The following BICDL2 variants were observed in gnomAD, a reference collection of about 807,000 sequenced individuals.
The protein encoded by BICDL2 is BICD family-like cargo adapter 2.
BICDL2 carries 62 observed loss-of-function variants against 56.6 expected under a neutral mutation model. The observed-to-expected ratio is 1.10, with a 90% CI of 0.89 to 1.35. BICDL2 has a LOEUF of 1.35. Among genes scored for constraint, BICDL2 ranks in the 40% most tolerant of loss-of-function variants. The probability of loss-of-function intolerance (pLI) is 0.00; values close to 1 mark genes in which losing one functional copy is unlikely to be tolerated. For missense variants in BICDL2, 808 were observed against 684.5 expected, an observed-to-expected ratio of 1.18 and a Z score of -2.01; for synonymous variants, 358 against 319.8, an observed-to-expected ratio of 1.12 and a Z score of -1.27.
chr16:3,028,956 G>C lies in BICDL2; in HGVS notation c.1108-126C>G, dbSNP rs1596481001. On this transcript the variant is annotated intron_variant, in intron 7 of 9. Coordinates refer to ENST00000572449, the MANE Select transcript of BICDL2 (RefSeq NM_001369667.1). Reference sequence around the variant, plus strand: ...GCGACAGACACCCCAGGCAGCCGTGGCCCTGTGCTGGAGACTCCGATATGA... The same window carrying C: ...GCGACAGACACCCCAGGCAGCCGTGCCCCTGTGCTGGAGACTCCGATATGA... 27 of 1,301,080 alleles carry C rather than the reference G, an allele frequency of 2.1e-5. No individual in the cohort carries two copies. The East Asian group carries it at 6.8e-4, about 33-fold the overall frequency. 80.6% of individuals were successfully genotyped at this position (1,301,080 alleles called of 1,614,324 possible).
Position 3,028,033 on chromosome 16 carries a change from C to T in BICDL2, c.*73G>A. ...AGCTTCTTTTGGAAGACAATCTGGG[C>T]CCTGTCGCTCCATTGGCCTGAAGAG... On this transcript the variant is annotated 3_prime_UTR_variant, in exon 10 of 10. Coordinates refer to ENST00000572449, the MANE Select transcript of BICDL2 (RefSeq NM_001369667.1). 7.2e-7 allele frequency: 1 copy of T among 1,386,488 alleles called. No homozygotes were observed. Among genetic ancestry groups the T allele is most frequent in the Non-Finnish European group, 9.3e-7 (1 of 1,072,266 alleles). 85.9% of individuals were successfully genotyped at this position (1,386,488 alleles called of 1,614,324 possible).
chr16:3,030,988 C>A lies in BICDL2; in HGVS notation c.445G>T (p.Ala149Ser), dbSNP rs201207482. ...TTCTGCTCGCTGAGCTCGCTGAGGG[C>A]CCGTGCCCGTTCTCGCCCACTGTCC... is the stretch of plus-strand genomic sequence containing the variant. Reference protein sequence around the residue: ...QQDSGRERARALSELSEQNLR... With the variant: ...QQDSGRERARSLSELSEQNLR... The change falls in exon 3 of 10, where the codon GCC (alanine) becomes TCC (serine). Residue 149 changes from alanine to serine, a missense_variant. Ala to Ser is a moderately conservative substitution (Grantham distance 99). Transcript: ENST00000572449. 1.7e-4 allele frequency: 266 copies of A among 1,553,602 alleles called. No individual in the cohort carries two copies. In the African/African-American group the frequency reaches 2.3e-3, roughly 13 times the overall value.
chr16:3,030,350 GGGCCTCCCAGTGATCCAGCTCC>G, intron 5 of BICDL2, 77 bp downstream of exon 5: 3 of 1,438,422 alleles, frequency 2.1e-6, no homozygotes, highest in Non-Finnish European at 2.8e-6. Context: ...GCCAGCCTCT[GGGCCTCCCAGTGATCCAGCTCC>G]GGCCTCATCT....
Position 3,030,501 on chromosome 16 carries a change from G to A in BICDL2, c.710C>T (p.Thr237Ile), listed in dbSNP as rs777250026. ...VEKGEGRLQTTHEELLLLRRE... is the reference protein window; with the variant it reads ...VEKGEGRLQTIHEELLLLRRE... ...CCTCAGCAGCAGCAACTCCTCGTGG[G>A]TGGTCTGCAGTCTGCCCTCACCCTT... The change falls in exon 5 of 10, where the codon ACC becomes ATC. Residue 237 changes from threonine (T) to isoleucine (I), a missense_variant. By Grantham distance (89) the Thr-to-Ile change is moderately conservative. Transcript: ENST00000572449. 2 of 1,603,960 alleles carry A rather than the reference G, an allele frequency of 1.2e-6. No individual in the cohort carries two copies. Among genetic ancestry groups the A allele is most frequent in the African/African-American group, 2.7e-5 (2 of 74,896 alleles).
At chr16:3,031,454 G>GT in intron 2 of BICDL2, 1 of 532,410 alleles carries the variant, frequency 1.9e-6, no homozygotes, top group Non-Finnish European at 3.3e-6. Context: ...CGCAAGCGCC[G>GT]TTTTTGGCGC....
At position 3,035,246 on chromosome 16, in the gene BICDL2, G is replaced by A. The variant is rs370631507; in HGVS notation, c.251C>T (p.Thr84Met). The change falls in exon 2 of 10, where the codon ACG becomes ATG. Residue 84 changes from threonine (T) to methionine (M), a missense_variant. By Grantham distance (81) the Thr-to-Met change is moderately conservative. Coordinates refer to ENST00000572449, the MANE Select transcript of BICDL2 (RefSeq NM_001369667.1). Reference protein sequence around the residue: ...RNEELRRQLETLSAQHLEREE... With the variant: ...RNEELRRQLEMLSAQHLEREE... ...ACGCTCCAAGTGCTGGGCGCTCAGC[G>A]TCTCCAGCTGCCGCCGCAGCTCTTC... 3.5e-5 allele frequency: 54 copies of A among 1,524,776 alleles called. No homozygotes were observed. Among genetic ancestry groups the A allele is most frequent in the African/African-American group, 3.1e-4 (22 of 70,280 alleles). 94.5% of individuals were successfully genotyped at this position (1,524,776 alleles called of 1,614,324 possible). A position where few individuals can be genotyped will look rare whatever the true frequency, so the allele number is the denominator to read the frequency against.
chr16:3,030,779 GTTCCCTCT>G lies in BICDL2; in HGVS notation c.524_531del (p.Gln175ProfsTer48). ...TGGCACTGTCCCCGAAGGGCGTCCA[GTTCCCTCT>G]GAAGTTCCTGCTCAGTCTGGGAGGC... On this transcript the variant is annotated frameshift_variant, in exon 4 of 10. Coordinates refer to ENST00000572449, the MANE Select transcript of BICDL2 (RefSeq NM_001369667.1). LOFTEE classifies it high-confidence loss of function. 6.2e-7 allele frequency: 1 copy of G among 1,612,164 alleles called. No homozygotes were observed. Among genetic ancestry groups the G allele is most frequent in the East Asian group, 2.2e-5 (1 of 44,868 alleles).
chr16:3,028,817 T>C lies in BICDL2; in HGVS notation c.1121A>G (p.Gln374Arg), dbSNP rs1955602387. 1 of 1,551,040 alleles carries C rather than the reference T, an allele frequency of 6.4e-7. No individual in the cohort carries two copies. The highest frequency in any genetic ancestry group is 1.2e-5 in the South Asian group (1 of 84,432). The change falls in exon 8 of 10, where the codon CAG becomes CGG. Residue 374 changes from glutamine to arginine, a missense_variant. Transcript: ENST00000572449. ...AKLQDEISLQ[Q>R]AELQSLREEL... ...TTCCCGCAGGGACTGCAGCTCTGCC[T>C]GCTGCAGCGAGATCTGTGAGCAGAG...
At chr16:3,028,625 C>T in intron 8 of BICDL2, 75 bp downstream of exon 8, 2 of 1,528,334 alleles carry the variant, frequency 1.3e-6, no homozygotes, top group Non-Finnish European at 1.8e-6. Context: ...CATTATAACC[C>T]GTATCAGAAG....
chr16:3,028,509 G>C, intron 8 of BICDL2, 41 bp from the exon 9 acceptor site: 1 of 1,564,168 alleles, frequency 6.4e-7, no homozygotes, highest in Non-Finnish European at 8.6e-7. Flanking sequence ...AGGGCGCTAG[G>C]GCCTCAGGGA....
rs1175465331 is a variant in BICDL2 at position 3,028,073 on chromosome 16, A to G, written c.*33T>C. The G allele has an allele frequency of 1.4e-6, 2 of 1,398,272 alleles. No individual in the cohort carries two copies. Among genetic ancestry groups the G allele is most frequent in the Admixed American group, 7.4e-5 (2 of 26,976 alleles). 86.6% of individuals were successfully genotyped at this position (1,398,272 alleles called of 1,614,324 possible). ...GGCCTGAAGAGGAAAGTGAGCCCCT[A>G]AGTGGGCAAGGGCAGCCCTCTGGGC... On this transcript the variant is annotated 3_prime_UTR_variant, in exon 10 of 10. Transcript: ENST00000572449.
chr16:3,036,493 G>C lies in BICDL2; in HGVS notation c.-31+401C>G, dbSNP rs748700642. The C allele has an allele frequency of 2.0e-5, 9 of 456,004 alleles. No individual in the cohort carries two copies. In the Middle Eastern group the frequency reaches 9.7e-4, roughly 49 times the overall value. The allele number at this position is 456,004 out of a possible 1,614,324, so 28.2% of individuals were successfully genotyped here. A position where few individuals can be genotyped will look rare whatever the true frequency, so the allele number is the denominator to read the frequency against. The stretch of plus-strand genomic sequence containing the variant: ...CACCCGTGCTCTCCCTCCTCCTCTC[G>C]CCCGGTGTCCATGTGCAGCCCTGCT... On this transcript the variant is annotated intron_variant, in intron 1 of 9. Transcript: ENST00000572449.
chr16:3,036,871 C>T (rs1300483872), intron 1 of BICDL2, 23 bp downstream of exon 1: 2 of 290,668 alleles, frequency 6.9e-6, no homozygotes, highest in Non-Finnish European at 1.3e-5. Context: ...GGGCCCGGCC[C>T]TCGGCGTCCC....
At chr16:3,033,195 C>G (rs1955681010) in intron 2 of BICDL2, among the ~76,000 whole-genome samples, 1 of 152,060 alleles carries the variant, frequency 6.6e-6, no homozygotes, top group Non-Finnish European at 1.5e-5. Context: ...ATCCCAGCTA[C>G]TTGGGAGGCT....
intron 2 of BICDL2, among the ~76,000 whole-genome samples, chr16:3,034,738 G>A (rs1176357093): frequency 2.5e-5 from 3 of 120,214 alleles, no homozygotes; most frequent in African/African-American, 6.9e-5. Context: ...ATCTCACTCT[G>A]TTGCTCAAGC....
chr16:3,035,176 T>TTGGGGGGGGGGGG, intron 2 of BICDL2, 39 bp downstream of exon 2: 5 of 136,272 alleles, frequency 3.7e-5, no homozygotes, highest in East Asian at 1.4e-4. Flanking sequence ...CGTCCTCCCC[T>TTGGGGGGGGGGGG]GCCCACCCAC....
At chr16:3,034,193 G>A (rs772483133) in intron 2 of BICDL2, among the ~76,000 whole-genome samples, 13 of 152,194 alleles carry the variant, frequency 8.5e-5, no homozygotes, top group Admixed American at 2.6e-4. Context: ...CTGGTGTTCC[G>A]CTATACTGCT....
Position 3,035,222 on chromosome 16 carries a change from C to T in BICDL2, c.275G>A (p.Arg92His), listed in dbSNP as rs916043694. Residue 92 changes from arginine to histidine, a missense_variant, in exon 2 of 10, where the codon CGT becomes CAT. Coordinates refer to ENST00000572449, the MANE Select transcript of BICDL2 (RefSeq NM_001369667.1). ...CGTCCAGTGCTAGCTCACTTCCTCA[C>T]GCTCCAAGTGCTGGGCGCTCAGCGT... is the stretch of plus-strand genomic sequence containing the variant. ...LETLSAQHLE[R>H]EERLQQENHE... 2.3e-5 allele frequency: 29 copies of T among 1,284,486 alleles called. No individual in the cohort carries two copies. Among genetic ancestry groups the T allele is most frequent in the Middle Eastern group, 2.2e-4 (1 of 4,520 alleles). 79.6% of individuals were successfully genotyped at this position (1,284,486 alleles called of 1,614,324 possible).
chr16:3,035,181 A>ACCCCCCCCCCCC lies in BICDL2; in HGVS notation c.282+33_282+34insGGGGGGGGGGGG. The ACCCCCCCCCCCC allele has an allele frequency of 1.5e-4, 5 of 34,310 alleles. 2 individuals are homozygous for ACCCCCCCCCCCC. The highest frequency in any genetic ancestry group is 4.6e-4 in the South Asian group (2 of 4,384). 2.1% of individuals were successfully genotyped at this position (34,310 alleles called of 1,614,324 possible). On this transcript the variant is annotated intron_variant, in intron 2 of 9. Coordinates refer to ENST00000572449, the MANE Select transcript of BICDL2 (RefSeq NM_001369667.1). ...CAGGCCCACCCGTCCTCCCCTGCCC[A>ACCCCCCCCCCCC]CCCACCCACCCACCCCGTCCAGTGC...
Sources: gnomAD v4.1 joint callset for allele counts (sites outside exome capture counted in the v4.1 genomes callset) on GRCh38, gnomAD v4.1.1 for gene constraint, MANE v1.5 for transcripts, NCBI Gene and HGNC (gene_info 2026-07-23, HGNC 2026-07-21) for gene names.